CRCP: variants seen among roughly 807,000 people sequenced by gnomAD.
CRCP encodes the protein DNA-directed RNA polymerase III subunit RPC9.
Under a neutral mutation model 18.5 loss-of-function variants are expected in CRCP, and 18 were observed. That is an observed-to-expected ratio of 0.97 (90% CI 0.67 to 1.44). The LOEUF is 1.44. Ranked by LOEUF, CRCP falls within the 40% of genes most tolerant of loss-of-function variation. The pLI is 0.00. For synonymous variants in CRCP, 53 were observed against 62.9 expected (o/e 0.84, Z 0.75); for missense variants, 130 against 176.4 (o/e 0.74, Z 1.49).
At position 66,114,851 on chromosome 7, in the gene CRCP, AGCACCTTGGCGCGCGGAGCTG is replaced by A; in HGVS notation, c.-99_-79del. ...GGCATGCAGCGCGGCGATCCCGGCG[AGCACCTTGGCGCGCGGAGCTG>A]GCACCTTGGCGCTGTTGGTGGCGGC... is the stretch of plus-strand genomic sequence containing the variant. On this transcript the variant is annotated 5_prime_UTR_variant, in exon 1 of 6. Transcript: ENST00000395326. The A allele has an allele frequency of 1.9e-6, 3 of 1,598,554 alleles. No homozygotes were observed. Among genetic ancestry groups the A allele is most frequent in the Non-Finnish European group, 2.6e-6 (3 of 1,168,408 alleles).
chr7:66,123,303 A>G (rs187443009), intron 1 of CRCP, among the ~76,000 whole-genome samples: 1 of 152,230 alleles, frequency 6.6e-6, no homozygotes, highest in East Asian at 1.9e-4. Flanking sequence ...AGTTTTGTAT[A>G]GGTAAGCAGT....
In CRCP at chr7:66,116,390, G is replaced by A. The variant is rs578149988; in HGVS notation, c.8+1420G>A. Among the ~76,000 whole-genome samples, 296 of 151,096 alleles carry A rather than the reference G, an allele frequency of 2.0e-3. 1 individual carries two copies. Among genetic ancestry groups the A allele is most frequent in the Middle Eastern group, 3.4e-3 (1 of 294 alleles). On this transcript the variant is annotated intron_variant, in intron 1 of 5. Transcript: ENST00000395326. ...CATGCCTGTAGTCTCAGCTACTTAC[G>A]AGGCTGAGATGGGAGGATCACTTGA...
intron 4 of CRCP, chr7:66,134,599 T>A (rs71564956): frequency 5.8e-6 from 2 of 343,984 alleles, no homozygotes; most frequent in Non-Finnish European, 1.0e-5. Context: ...AGTGATACTG[T>A]ATTACTCTGC....
intron 4 of CRCP, among the ~76,000 whole-genome samples, chr7:66,141,271 G>T (rs528434182): frequency 1.3e-5 from 2 of 152,140 alleles, no homozygotes; most frequent in Admixed American, 6.6e-5. Context: ...TTAAATTATT[G>T]TTGACTGTAG....
chr7:66,140,497 G>A (rs1788103859), intron 4 of CRCP, among the ~76,000 whole-genome samples: 1 of 151,970 alleles, frequency 6.6e-6, no homozygotes, highest in South Asian at 2.1e-4. Context: ...CTGGGTTCAA[G>A]TGATTCTCCT....
intron 3 of CRCP, among the ~76,000 whole-genome samples, chr7:66,133,681 A>G (rs1043003603): frequency 4.0e-5 from 6 of 149,954 alleles, no homozygotes; most frequent in Non-Finnish European, 8.9e-5. Context: ...ATATAACACA[A>G]TTGTCAGATT....
intron 4 of CRCP, among the ~76,000 whole-genome samples, chr7:66,139,493 GA>G (rs1788070710): frequency 6.6e-6 from 1 of 152,198 alleles, no homozygotes; most frequent in South Asian, 2.1e-4. Context: ...CCTGGAGAAT[GA>G]GTCGTATTTT....
chr7:66,147,610 C>T (rs1280523922), intron 5 of CRCP, among the ~76,000 whole-genome samples: 2 of 152,136 alleles, frequency 1.3e-5, no homozygotes, highest in African/African-American at 4.8e-5. Flanking sequence ...CTTCTCGTTT[C>T]TACAAAGTAG....
At chr7:66,134,114 C>T (rs570327413) in intron 3 of CRCP, among the ~76,000 whole-genome samples, 166 bp from the exon 4 acceptor site, 2 of 152,074 alleles carry the variant, frequency 1.3e-5, no homozygotes, top group South Asian at 4.2e-4. Flanking sequence ...GCCACCTCGG[C>T]CTCCCAAAGT....
In CRCP at chr7:66,130,729, T is replaced by G. The variant is rs769093805; in HGVS notation, c.46-15T>G. 1 of 1,498,002 alleles carries G rather than the reference T, an allele frequency of 6.7e-7. No homozygotes were observed. Among genetic ancestry groups the G allele is most frequent in the South Asian group, 1.2e-5 (1 of 86,474 alleles). 92.8% of individuals were successfully genotyped at this position (1,498,002 alleles called of 1,614,324 possible). A position where few individuals can be genotyped will look rare whatever the true frequency, so the allele number is the denominator to read the frequency against. On this transcript the variant is annotated splice_polypyrimidine_tract_variant and intron_variant, in intron 2 of 5. Coordinates refer to ENST00000395326, the MANE Select transcript of CRCP (RefSeq NM_014478.5). ...CAAATTTATTCATAAACGTCTTTTT[T>G]GTATCTCCTCCTAGGTATTTCAGTT...
Position 66,126,137 on chromosome 7 carries a change from T to C in CRCP, c.9-1567T>C, listed in dbSNP as rs1050887612. ...TTTGTGAAATCGTAGCTTGAATCAC[T>C]GGTAGCATTTGGTAAGCTTCACAGA... On this transcript the variant is annotated intron_variant, in intron 1 of 5. Transcript: ENST00000395326. Among the ~76,000 whole-genome samples the C allele has an allele frequency of 1.3e-5, 2 of 149,530 alleles. 1 individual carries two copies. Among genetic ancestry groups the C allele is most frequent in the Non-Finnish European group, 3.0e-5 (2 of 66,844 alleles).
At chr7:66,127,837 G>C (rs1217932744) in intron 2 of CRCP, 97 bp downstream of exon 2, 1 of 1,355,158 alleles carries the variant, frequency 7.4e-7, no homozygotes, top group Non-Finnish European at 1.1e-6. Context: ...ATTCAGGCTG[G>C]GTGCAGTGGT....
intron 4 of CRCP, among the ~76,000 whole-genome samples, chr7:66,138,025 T>C (rs1459593113): frequency 6.6e-6 from 1 of 152,260 alleles, no homozygotes; most frequent in Non-Finnish European, 1.5e-5. Context: ...TGAAGTGCCC[T>C]GCGTCCTTTT....
chr7:66,120,515 G>A (rs1472210876), intron 1 of CRCP: 1 of 151,874 alleles, frequency 6.6e-6, no homozygotes, highest in Non-Finnish European at 1.5e-5. Flanking sequence ...AAGGGCCCTG[G>A]AGTGGAAAGG....
intron 4 of CRCP, among the ~76,000 whole-genome samples, chr7:66,142,143 C>A (rs900108515): frequency 2.0e-5 from 3 of 152,160 alleles, no homozygotes; most frequent in African/African-American, 7.2e-5. Context: ...GGAATGAACT[C>A]ATCTCCCTTC....
At chr7:66,119,415 A>G (rs950153789) in intron 1 of CRCP, among the ~76,000 whole-genome samples, 4 of 152,206 alleles carry the variant, frequency 2.6e-5, no homozygotes, top group African/African-American at 9.6e-5. Flanking sequence ...TAGCAAATTA[A>G]TGAAGCCTAA....
chr7:66,129,708 A>G (rs954466446), intron 2 of CRCP, among the ~76,000 whole-genome samples: 3 of 152,164 alleles, frequency 2.0e-5, no homozygotes, highest in African/African-American at 7.2e-5. Flanking sequence ...TTTGGCTTTT[A>G]GGAGCCTCCT....
At chr7:66,146,094 G>A (rs895819300) in intron 5 of CRCP, among the ~76,000 whole-genome samples, 6 of 152,046 alleles carry the variant, frequency 3.9e-5, no homozygotes, top group Non-Finnish European at 5.9e-5. Flanking sequence ...ATTTCTTCAC[G>A]CGGCTCTTGC....
intron 1 of CRCP, among the ~76,000 whole-genome samples, chr7:66,124,478 T>G (rs1381682356): frequency 6.6e-6 from 1 of 152,110 alleles, no homozygotes; most frequent in Non-Finnish European, 1.5e-5. Context: ...CTCTTTTCTT[T>G]TTTCTTTTCC....
Sources: gnomAD v4.1 joint callset for allele counts (sites outside exome capture counted in the v4.1 genomes callset) on GRCh38, gnomAD v4.1.1 for gene constraint, MANE v1.5 for transcripts, NCBI Gene and HGNC (gene_info 2026-07-23, HGNC 2026-07-21) for gene names.